Variants in CPS1 observed in about 807,000 individuals in gnomAD.
CPS1 encodes carbamoyl-phosphate synthase 1, also known as carbamoyl-phosphate synthase [ammonia], mitochondrial.
Under a neutral mutation model 174.6 loss-of-function variants are expected in CPS1, and 109 were observed. The ratio of observed to expected loss-of-function variants is 0.62; its 90% CI spans 0.53 to 0.73. The LOEUF (loss-of-function observed/expected upper bound fraction) is 0.73, where lower values mean the gene tolerates loss of function less well. CPS1 is among the 30% of genes least tolerant of loss of function. The pLI is 0.00. For synonymous variants in CPS1, 637 were observed against 632.0 expected (o/e 1.01, Z -0.12); for missense variants, 1,689 against 1,821.9 (o/e 0.93, Z 1.33).
At chr2:210,554,238 T>G (rs1696827732), upstream of CPS1, among the ~76,000 whole-genome samples, 1 of 148,056 alleles carries the variant, frequency 6.8e-6, no homozygotes. Flanking sequence ...TATATATGTA[T>G]GTATATATAT....
chr2:210,607,084 T>C (rs1698941068), intron 18 of CPS1, 143 bp downstream of exon 18: 2 of 718,252 alleles, frequency 2.8e-6, no homozygotes, highest in Admixed American at 2.6e-5. Flanking sequence ...TATAGCACCC[T>C]GAGGACATGA....
chr2:210,635,952 T>C (rs1700031484), intron 21 of CPS1, among the ~76,000 whole-genome samples: 1 of 152,302 alleles, frequency 6.6e-6, no homozygotes, highest in East Asian at 1.9e-4. Flanking sequence ...ACCAGCTTGA[T>C]TTTTTCTTCT....
intron 13 of CPS1, among the ~76,000 whole-genome samples, chr2:210,598,127 A>T (rs1344577570): frequency 6.6e-6 from 1 of 151,776 alleles, no homozygotes; most frequent in Non-Finnish European, 1.5e-5. Flanking sequence ...GGGGGTTAAC[A>T]TGTGAAGGAT....
At position 210,650,365 on chromosome 2, in the gene CPS1, G is replaced by C; in HGVS notation, c.3407G>C (p.Gly1136Ala). Reference protein sequence around the residue: ...CLLRPSYVLSGSAMNVVFSED... With the variant: ...CLLRPSYVLSASAMNVVFSED... Reference sequence around the variant, plus strand: ...TTTTTTTCCCCTTCCTTTTCCAGTGGGTCTGCTATGAATGTGGTATTCTCT... The same window carrying C: ...TTTTTTTCCCCTTCCTTTTCCAGTGCGTCTGCTATGAATGTGGTATTCTCT... Residue 1136 changes from glycine (G) to alanine (A), a missense_variant and splice_region_variant, in exon 28 of 38, where the codon GGG becomes GCG. Physicochemically the swap from Gly to Ala is moderately conservative, Grantham distance 60. Transcript: ENST00000233072. The C allele has an allele frequency of 1.2e-6, 2 of 1,613,214 alleles. No homozygotes were observed. The highest frequency in any genetic ancestry group is 1.7e-6 in the Non-Finnish European group (2 of 1,179,380).
chr2:210,577,742 A>G (rs1380906949), intron 4 of CPS1, among the ~76,000 whole-genome samples: 1 of 152,170 alleles, frequency 6.6e-6, no homozygotes, highest in Non-Finnish European at 1.5e-5. Flanking sequence ...CATGCTTGGT[A>G]GCACTTCACA....
chr2:210,582,787 A>T, intron 6 of CPS1, 78 bp downstream of exon 6: 1 of 1,148,202 alleles, frequency 8.7e-7, no homozygotes, highest in South Asian at 1.2e-5. Flanking sequence ...ATCTTTATTT[A>T]GGCAGAGTTT....
At chr2:210,570,632 TG>T (rs1214592427) in intron 1 of CPS1, among the ~76,000 whole-genome samples, 8 of 151,962 alleles carry the variant, frequency 5.3e-5, no homozygotes, top group Admixed American at 5.3e-4. Flanking sequence ...ACTCAAATTT[TG>T]CCAACTAAAT....
At chr2:210,541,476 G>A (rs918808414) in intron 1 of CPS1, among the ~76,000 whole-genome samples, 3 of 152,084 alleles carry the variant, frequency 2.0e-5, no homozygotes, top group Admixed American at 6.5e-5. Flanking sequence ...GCTGCAACTC[G>A]TTATCGGCTT....
intron 20 of CPS1, among the ~76,000 whole-genome samples, chr2:210,614,036 C>T (rs1234581042): frequency 2.0e-5 from 3 of 151,900 alleles, no homozygotes; most frequent in Non-Finnish European, 4.4e-5. Context: ...GAAAGAGCAA[C>T]TTGCTCTGAG....
In CPS1 at chr2:210,660,319, A is replaced by G. The variant is rs566563639; in HGVS notation, c.3757-166A>G. On this transcript the variant is annotated intron_variant, in intron 31 of 37. Coordinates refer to ENST00000233072, the MANE Select transcript of CPS1 (RefSeq NM_001875.5). ...GTTAGAGTTCAAAGATACTGACTGAAAGTATCAGGAAAAATCCAAGCAGTA... is the reference window on the plus strand; with the variant it reads ...GTTAGAGTTCAAAGATACTGACTGAGAGTATCAGGAAAAATCCAAGCAGTA... Among the ~76,000 whole-genome samples, 151 of 152,300 alleles carry G rather than the reference A, an allele frequency of 9.9e-4. 1 individual carries two copies. The highest frequency in any genetic ancestry group is 2.7e-3 in the South Asian group (13 of 4,828).
Position 210,624,946 on chromosome 2 carries a change from A to G in CPS1, c.2687+8405A>G, listed in dbSNP as rs913812312. 7.9e-5 allele frequency among the ~76,000 whole-genome samples: 12 copies of G among 152,064 alleles called. 1 individual carries two copies. Among genetic ancestry groups the G allele is most frequent in the African/African-American group, 2.9e-4 (12 of 41,446 alleles). On this transcript the variant is annotated intron_variant, in intron 21 of 37. Coordinates refer to ENST00000233072, the MANE Select transcript of CPS1 (RefSeq NM_001875.5). ...ATTTAAAATAACACATACTCAGAAT[A>G]TGTGTATATATATCTATAAATAGTC...
upstream of CPS1, among the ~76,000 whole-genome samples, chr2:210,553,533 C>T (rs992470276): frequency 5.0e-5 from 7 of 139,212 alleles, no homozygotes; most frequent in Admixed American, 5.4e-4. Context: ...TTTAGAAAAC[C>T]TTTGATGACC....
intron 34 of CPS1, chr2:210,671,759 C>T (rs1701312711): frequency 6.6e-6 from 1 of 152,164 alleles, no homozygotes; most frequent in South Asian, 2.1e-4. Context: ...ACTGTCGATA[C>T]TGTCATGTTG....
upstream of CPS1, among the ~76,000 whole-genome samples, chr2:210,554,117 GTA>G (rs1696810199): frequency 2.2e-5 from 3 of 138,150 alleles, no homozygotes; most frequent in Non-Finnish European, 3.1e-5. Flanking sequence ...ATATATATAT[GTA>G]TGTATATATA....
chr2:210,638,953 A>G (rs1574627582), intron 22 of CPS1, among the ~76,000 whole-genome samples, 197 bp from the exon 23 acceptor site: 1 of 152,298 alleles, frequency 6.6e-6, no homozygotes, highest in East Asian at 1.9e-4. Context: ...TTCTCAGGTG[A>G]TAACTAGACC....
At chr2:210,596,613 A>AT (rs1371853024) in intron 13 of CPS1, among the ~76,000 whole-genome samples, 1 of 151,798 alleles carries the variant, frequency 6.6e-6, no homozygotes, top group Non-Finnish European at 1.5e-5. Flanking sequence ...ATACTCACAT[A>AT]TTTTTTGGAA....
chr2:210,482,459 C>A (rs765387066), intron 1 of CPS1, among the ~76,000 whole-genome samples: 2 of 151,968 alleles, frequency 1.3e-5, no homozygotes, highest in Admixed American at 6.6e-5. Context: ...CGTGCCACCA[C>A]GCCTGGCTAA....
At chr2:210,660,270 A>G (rs139109189) in intron 31 of CPS1, among the ~76,000 whole-genome samples, 2 of 152,264 alleles carry the variant, frequency 1.3e-5, no homozygotes, top group Non-Finnish European at 2.9e-5. Context: ...TGGGAATGCA[A>G]TTTGGAAAAA....
chr2:210,539,395 C>G (rs1399162651), intron 1 of CPS1, among the ~76,000 whole-genome samples: 1 of 152,096 alleles, frequency 6.6e-6, no homozygotes, highest in Non-Finnish European at 1.5e-5. Flanking sequence ...GAATTATCCG[C>G]AGTAGTTTCA....
Sources: allele counts gnomAD v4.1 joint callset (sites outside exome capture counted in the v4.1 genomes callset), GRCh38; gene constraint gnomAD v4.1.1; transcripts MANE v1.5; gene names NCBI Gene and HGNC (gene_info 2026-07-23, HGNC 2026-07-21).